The following GRM7 variants were observed in gnomAD, a reference collection of about 807,000 sequenced individuals.
The protein encoded by GRM7 is glutamate metabotropic receptor 7.
In GRM7, 35 loss-of-function variants were observed where a neutral mutation model predicts 84.5. The observed-to-expected ratio is 0.41, with a 90% CI of 0.32 to 0.55. The LOEUF is 0.55. Ranked by LOEUF, GRM7 falls within the 20% of genes least tolerant of loss-of-function variation. The pLI, the probability that GRM7 is intolerant of heterozygous loss-of-function variation, is 0.19. For missense variants in GRM7, 1,003 were observed against 1,194.6 expected, an observed-to-expected ratio of 0.84 and a Z score of 2.36; for synonymous variants, 487 against 455.1, an observed-to-expected ratio of 1.07 and a Z score of -0.89.
At chr3:6,870,678 T>C (rs1559296509) in intron 1 of GRM7, among the ~76,000 whole-genome samples, 1 of 152,084 alleles carries the variant, frequency 6.6e-6, no homozygotes, top group Non-Finnish European at 1.5e-5. Flanking sequence ...GTAAGATCGA[T>C]GGTTTGGTGG....
intron 8 of GRM7, among the ~76,000 whole-genome samples, chr3:7,651,381 TAC>T: frequency 6.6e-6 from 1 of 152,358 alleles, no homozygotes; most frequent in African/African-American, 2.4e-5. Flanking sequence ...TTGTTTGCAG[TAC>T]CAGCCTCCCT....
At chr3:7,498,572 G>T (rs1253111333) in intron 7 of GRM7, among the ~76,000 whole-genome samples, 1 of 152,170 alleles carries the variant, frequency 6.6e-6, no homozygotes, top group Non-Finnish European at 1.5e-5. Context: ...ACATTTGGTT[G>T]ATATTAGGTT....
intron 7 of GRM7, among the ~76,000 whole-genome samples, chr3:7,507,679 A>G (rs796755805): frequency 7.2e-5 from 11 of 152,340 alleles, no homozygotes; most frequent in Non-Finnish European, 1.6e-4. Context: ...ATTAACTGGT[A>G]GTTATGATTG....
At chr3:7,595,700 G>A (rs766369123) in intron 8 of GRM7, among the ~76,000 whole-genome samples, 7 of 152,022 alleles carry the variant, frequency 4.6e-5, no homozygotes, top group Non-Finnish European at 8.8e-5. Flanking sequence ...ATAACTGGGG[G>A]TGGGGGTAGG....
chr3:7,717,938 G>T (rs1034800338), intron 9 of GRM7, among the ~76,000 whole-genome samples: 5 of 152,176 alleles, frequency 3.3e-5, no homozygotes, highest in Non-Finnish European at 7.3e-5. Flanking sequence ...CATTAAATCT[G>T]CTCAGTTCCT....
intron 2 of GRM7, among the ~76,000 whole-genome samples, chr3:7,209,836 T>G (rs114246213): frequency 6.0e-4 from 91 of 152,188 alleles, no homozygotes; most frequent in African/African-American, 2.2e-3. Context: ...AAAGGGTAAT[T>G]TTTAATTTAT....
intron 2 of GRM7, among the ~76,000 whole-genome samples, chr3:7,265,442 G>A (rs1698601457): frequency 6.6e-6 from 1 of 152,136 alleles, no homozygotes; most frequent in South Asian, 2.1e-4. Context: ...AGTGACAAAT[G>A]TTAAATAACT....
At chr3:7,646,743 G>A (rs1295734708) in intron 8 of GRM7, among the ~76,000 whole-genome samples, 2 of 152,160 alleles carry the variant, frequency 1.3e-5, no homozygotes, top group Non-Finnish European at 2.9e-5. Context: ...GTTGGAGGAT[G>A]GAGTTAGCAT....
At chr3:6,908,652 C>T (rs1404449197) in intron 1 of GRM7, among the ~76,000 whole-genome samples, 1 of 152,108 alleles carries the variant, frequency 6.6e-6, no homozygotes, top group African/African-American at 2.4e-5. Context: ...TTGAAGTGTC[C>T]TTTTATGAGG....
intron 9 of GRM7, among the ~76,000 whole-genome samples, chr3:7,710,975 C>G (rs1485865279): frequency 6.6e-6 from 1 of 152,144 alleles, no homozygotes; most frequent in East Asian, 1.9e-4. Flanking sequence ...CTGCCTAAGA[C>G]AGGAATGTCC....
intron 4 of GRM7, among the ~76,000 whole-genome samples, chr3:7,309,889 C>T (rs190015475): frequency 6.6e-6 from 1 of 152,180 alleles, no homozygotes; most frequent in South Asian, 2.1e-4. Context: ...TAGAACTTGG[C>T]AGCACTCCTC....
chr3:7,208,471 T>C (rs1373606908), intron 2 of GRM7, among the ~76,000 whole-genome samples: 1 of 152,198 alleles, frequency 6.6e-6, no homozygotes, highest in Non-Finnish European at 1.5e-5. Flanking sequence ...ATCTGCGGGA[T>C]ACAGATTTAT....
intron 4 of GRM7, among the ~76,000 whole-genome samples, chr3:7,354,584 T>A (rs947184853): frequency 6.6e-6 from 1 of 152,126 alleles, no homozygotes; most frequent in African/African-American, 2.4e-5. Context: ...GAGTAGAGAT[T>A]AGTGTCACCA....
intron 8 of GRM7, among the ~76,000 whole-genome samples, chr3:7,651,724 G>A (rs1377564793): frequency 6.6e-6 from 1 of 152,202 alleles, no homozygotes; most frequent in Non-Finnish European, 1.5e-5. Flanking sequence ...GCACTGTGGG[G>A]TTTTGAGATA....
chr3:7,355,345 C>G (rs1002522887), intron 4 of GRM7, among the ~76,000 whole-genome samples: 13 of 151,898 alleles, frequency 8.6e-5, no homozygotes, highest in African/African-American at 3.1e-4. Flanking sequence ...TGTAGTGGGG[C>G]CCAGAACAGA....
chr3:7,153,219 C>T (rs1394194646), intron 2 of GRM7, among the ~76,000 whole-genome samples: 1 of 149,044 alleles, frequency 6.7e-6, no homozygotes, highest in East Asian at 2.0e-4. Flanking sequence ...TTTCCCTGGC[C>T]TTCAGAGGGA....
intron 5 of GRM7, among the ~76,000 whole-genome samples, chr3:7,437,019 C>T (rs539548321): frequency 3.9e-5 from 6 of 152,102 alleles, no homozygotes; most frequent in Non-Finnish European, 8.8e-5. Flanking sequence ...ACATCAAGTC[C>T]AATGTATACT....
chr3:7,605,468 C>T (rs922776810), intron 8 of GRM7, among the ~76,000 whole-genome samples: 17 of 151,960 alleles, frequency 1.1e-4, no homozygotes, highest in East Asian at 3.9e-4. Context: ...ATGCTATATA[C>T]GATTTATACA....
At chr3:7,697,834 A>G (rs1228553183) in intron 9 of GRM7, among the ~76,000 whole-genome samples, 1 of 152,172 alleles carries the variant, frequency 6.6e-6, no homozygotes, top group Non-Finnish European at 1.5e-5. Context: ...ACTTTCACTC[A>G]GCTTTTGGCT....
Sources: gnomAD v4.1 joint callset for allele counts (sites outside exome capture counted in the v4.1 genomes callset) on GRCh38, gnomAD v4.1.1 for gene constraint, MANE v1.5 for transcripts, NCBI Gene and HGNC (gene_info 2026-07-23, HGNC 2026-07-21) for gene names.